Variants in WDR72 observed in about 807,000 individuals in gnomAD.
The protein encoded by WDR72 is WD repeat-containing protein 72.
Under a neutral mutation model 124.2 loss-of-function variants are expected in WDR72, and 120 were observed. The ratio of observed to expected loss-of-function variants is 0.97; its 90% CI spans 0.83 to 1.12. The LOEUF is 1.12. Among genes scored for constraint, WDR72 ranks in the 50% most tolerant of loss-of-function variants. The pLI is 0.00. For missense variants in WDR72, 1,387 were observed against 1,278.8 expected, an observed-to-expected ratio of 1.08 and a Z score of -1.29; for synonymous variants, 452 against 441.7, an observed-to-expected ratio of 1.02 and a Z score of -0.29.
Position 53,711,322 on chromosome 15 carries a change from C to G in WDR72, c.857+14G>C. ...TACCTGAATGTTTTGTATGCCGCTC[C>G]CATCTGAGCCCACCTGTTCAGCAGC... On this transcript the variant is annotated intron_variant, in intron 8 of 19. Coordinates refer to ENST00000360509, the MANE Select transcript of WDR72 (RefSeq NM_182758.4). 6.2e-7 allele frequency: 1 copy of G among 1,614,094 alleles called. No homozygotes were observed.
At chr15:53,684,938 CT>C (rs753172880) in intron 13 of WDR72, among the ~76,000 whole-genome samples, 1,954 of 152,250 alleles carry the variant, frequency 0.013, 12 homozygotes, top group Non-Finnish European at 0.018. Context: ...AGGCACCCCC[CT>C]AGCAGGGGCA....
rs545788975 is a variant in WDR72 at position 53,545,211 on chromosome 15, C to A, written c.3149-21889G>T. Among the ~76,000 whole-genome samples the A allele has an allele frequency of 5.4e-4, 82 of 151,784 alleles. 1 individual carries two copies. The South Asian group carries it at 0.016, about 30-fold the overall frequency. On this transcript the variant is annotated intron_variant, in intron 18 of 19. Coordinates refer to ENST00000360509, the MANE Select transcript of WDR72 (RefSeq NM_182758.4). ...AAAGAGCCCGCATCGCCACGGGAAT[C>A]CTAAGCCAAAAGAACAAAGCTGGAG... is the stretch of plus-strand genomic sequence containing the variant.
chr15:53,615,749 G>A lies in WDR72; in HGVS notation c.2457C>T (p.Leu819=), dbSNP rs148877909. 6.2e-7 allele frequency: 1 copy of A among 1,613,296 alleles called. No individual in the cohort carries two copies. Among genetic ancestry groups the A allele is most frequent in the African/African-American group, 1.3e-5 (1 of 74,850 alleles). The change falls in exon 15 of 20, where the codon CTC becomes CTT. Residue 819 remains leucine (L), a synonymous_variant. Coordinates refer to ENST00000360509, the MANE Select transcript of WDR72 (RefSeq NM_182758.4). ...KDLDYLCIKH[L]NILKLQGPIS... The stretch of plus-strand genomic sequence containing the variant: ...TAGGACCCTGAAGCTTTAAAATATT[G>A]AGGTGCTTAATGCAAAGATAATCTA...
chr15:53,686,261 C>G (rs1217254197), intron 13 of WDR72, among the ~76,000 whole-genome samples: 1 of 152,020 alleles, frequency 6.6e-6, no homozygotes, highest in East Asian at 1.9e-4. Flanking sequence ...AAGACACAGA[C>G]TGGCAAATTG....
In WDR72 at chr15:53,702,233, A is replaced by C. The variant is rs760283962; in HGVS notation, c.1470T>G (p.Cys490Trp). The C allele has an allele frequency of 6.2e-7, 1 of 1,614,170 alleles. No homozygotes were observed. The highest frequency in any genetic ancestry group is 1.1e-5 in the South Asian group (1 of 91,080). ...SWMLSGDLDS[C>W]VILWDIFTEE... ...CAGTAAAGATATCCCACAAGATCAC[A>C]CATGAGTCCAGGTCCCCAGACAACA... Residue 490 changes from cysteine to tryptophan, a missense_variant, in exon 12 of 20, where the codon TGT becomes TGG. By Grantham distance (215) the Cys-to-Trp change is radical. Transcript: ENST00000360509.
intron 14 of WDR72, among the ~76,000 whole-genome samples, chr15:53,647,812 A>C (rs1038894145): frequency 3.3e-5 from 5 of 152,112 alleles, no homozygotes; most frequent in African/African-American, 1.2e-4. Context: ...TGTTTTCCAA[A>C]TTGATATCAA....
Position 53,717,459 on chromosome 15 carries a change from TATATAGACTA to T in WDR72, c.261-784_261-775del, listed in dbSNP as rs546830694. 1.4e-4 allele frequency among the ~76,000 whole-genome samples: 22 copies of T among 152,250 alleles called. No homozygotes were observed. The East Asian group carries it at 4.2e-3, about 29-fold the overall frequency. On this transcript the variant is annotated intron_variant, in intron 3 of 19. Transcript: ENST00000360509. ...ACTGCCATTATACTAAGAAACAAAA[TATATAGACTA>T]ATAATGTCAACAACTGTATGCATTT...
chr15:53,552,234 T>C (rs1287077332), intron 18 of WDR72, among the ~76,000 whole-genome samples: 1 of 152,146 alleles, frequency 6.6e-6, no homozygotes, highest in Non-Finnish European at 1.5e-5. Context: ...CAAAGCTATA[T>C]ATCCAAGTTC....
intron 18 of WDR72, among the ~76,000 whole-genome samples, chr15:53,584,192 T>C (rs1411849079): frequency 1.3e-5 from 2 of 151,932 alleles, no homozygotes; most frequent in Admixed American, 6.6e-5. Context: ...TCGGACCAAA[T>C]ATTAACTTAT....
In WDR72 at chr15:53,616,123, G is replaced by A. The variant is rs1425992593; in HGVS notation, c.2083C>T (p.Pro695Ser). The A allele has an allele frequency of 1.9e-6, 3 of 1,604,098 alleles. No homozygotes were observed. The African/African-American group carries it at 4.0e-5, about 22-fold the overall frequency. The change falls in exon 15 of 20, where the codon CCA becomes TCA. Residue 695 changes from proline to serine, a missense_variant. Pro to Ser is a moderately conservative substitution (Grantham distance 74). Transcript: ENST00000360509. ...DLENLVELLL[P>S]TPLSDVDSSS... is the part of the protein sequence containing the mutation. ...GAGTCAACATCACTGAGTGGAGTTG[G>A]TAGCAAAAGTTCAACAAGGTTTTCC... is the stretch of plus-strand genomic sequence containing the variant.
intron 19 of WDR72, among the ~76,000 whole-genome samples, chr15:53,521,763 C>CCTGT (rs770909854): frequency 1.3e-5 from 2 of 152,090 alleles, no homozygotes; most frequent in East Asian, 1.9e-4. Flanking sequence ...CACAGATTTA[C>CCTGT]CTGTCTGACA....
intron 19 of WDR72, among the ~76,000 whole-genome samples, chr15:53,519,763 A>C (rs569414380): frequency 6.6e-6 from 1 of 152,166 alleles, no homozygotes; most frequent in East Asian, 1.9e-4. Flanking sequence ...CATGATGAAT[A>C]AGGTAGAGTG....
chr15:53,526,998 G>A (rs1006725560), intron 18 of WDR72, among the ~76,000 whole-genome samples: 2 of 151,986 alleles, frequency 1.3e-5, no homozygotes, highest in Non-Finnish European at 1.5e-5. Flanking sequence ...CAATATCTTT[G>A]GTAGCTAGAG....
At chr15:53,585,962 T>G (rs1421739330) in intron 18 of WDR72, among the ~76,000 whole-genome samples, 1 of 152,088 alleles carries the variant, frequency 6.6e-6, no homozygotes, top group Non-Finnish European at 1.5e-5. Flanking sequence ...TATTCCTATG[T>G]GAAGCCTCTA....
chr15:53,750,802 G>A (rs577179345), intron 1 of WDR72, among the ~76,000 whole-genome samples: 5 of 152,262 alleles, frequency 3.3e-5, no homozygotes, highest in African/African-American at 7.2e-5. Flanking sequence ...AACTGCAGAC[G>A]TGGTGGAAAT....
Position 53,515,049 on chromosome 15 carries a change from ATGTGTG to A in WDR72, c.*2644_*2649del, listed in dbSNP as rs985049400. ...TACACACATATATATGTGTATATATATGTGTGTATATATATACACACATATATATGT... is the reference window on the plus strand; with the variant it reads ...TACACACATATATATGTGTATATATATATATATATACACACATATATATGT... On this transcript the variant is annotated 3_prime_UTR_variant, in exon 20 of 20. Transcript: ENST00000360509. 6 of 138,320 alleles carry A rather than the reference ATGTGTG, an allele frequency of 4.3e-5. No homozygotes were observed. Among genetic ancestry groups the A allele is most frequent in the Admixed American group, 1.5e-4 (2 of 13,558 alleles). The allele number at this position is 138,320 out of a possible 1,614,324, so 8.6% of individuals were successfully genotyped here.
Position 53,688,450 on chromosome 15 carries a change from A to G in WDR72, c.1765+11300T>C, listed in dbSNP as rs2016721808. On this transcript the variant is annotated intron_variant, in intron 13 of 19. Coordinates refer to ENST00000360509, the MANE Select transcript of WDR72 (RefSeq NM_182758.4). ...AAACAGAGAGCCAAATCATGAGTGA[A>G]CTCCCATTCACAATTGCTTCAAAGA... Among the ~76,000 whole-genome samples the G allele has an allele frequency of 2.6e-5, 4 of 151,216 alleles. No homozygotes were observed. In the South Asian group the frequency reaches 8.4e-4, roughly 32 times the overall value.
intron 13 of WDR72, among the ~76,000 whole-genome samples, chr15:53,677,837 A>G (rs1271961215): frequency 6.6e-6 from 1 of 152,182 alleles, no homozygotes; most frequent in African/African-American, 2.4e-5. Context: ...CATCATCATC[A>G]TCAAAATTGC....
intron 14 of WDR72, among the ~76,000 whole-genome samples, chr15:53,652,823 A>G (rs552439795): frequency 2.4e-4 from 36 of 152,286 alleles, no homozygotes; most frequent in African/African-American, 8.7e-4. Context: ...CTGAGTCTTT[A>G]TCAGCTCTGT....
Sources: gnomAD v4.1 joint callset for allele counts (sites outside exome capture counted in the v4.1 genomes callset) on GRCh38, gnomAD v4.1.1 for gene constraint, MANE v1.5 for transcripts, NCBI Gene and HGNC (gene_info 2026-07-23, HGNC 2026-07-21) for gene names.